PSD3: variants seen among roughly 807,000 people sequenced by gnomAD.
PSD3 encodes the protein PH and SEC7 domain-containing protein 3.
Under a neutral mutation model 105.5 loss-of-function variants are expected in PSD3, and 49 were observed. The observed-to-expected ratio is 0.46, with a 90% CI of 0.37 to 0.59. The LOEUF (loss-of-function observed/expected upper bound fraction) is 0.59, where lower values mean the gene tolerates loss of function less well. PSD3 is among the 20% of genes least tolerant of loss of function. The pLI, the probability that PSD3 is intolerant of heterozygous loss-of-function variation, is 0.00. For synonymous variants in PSD3, 557 were observed against 457.8 expected (o/e 1.22, Z -2.77); for missense variants, 1,561 against 1,263.8 (o/e 1.24, Z -3.57).
chr8:18,664,289 T>A (rs1452436156), intron 9 of PSD3, among the ~76,000 whole-genome samples: 1 of 152,186 alleles, frequency 6.6e-6, no homozygotes, highest in African/African-American at 2.4e-5. Flanking sequence ...TGAAGAAAAT[T>A]AAAAGTGTTA....
chr8:18,804,018 C>A (rs544528137), intron 6 of PSD3, among the ~76,000 whole-genome samples: 1 of 152,232 alleles, frequency 6.6e-6, no homozygotes, highest in East Asian at 1.9e-4. Flanking sequence ...ATTTGCTTTG[C>A]TACCAATTGT....
intron 9 of PSD3, among the ~76,000 whole-genome samples, chr8:18,706,125 C>T (rs1444054621): frequency 1.3e-5 from 2 of 152,258 alleles, no homozygotes; most frequent in East Asian, 3.9e-4. Flanking sequence ...CACTGAGCAA[C>T]TGTTATTTCA....
chr8:18,619,568 G>A (rs1049858589), intron 11 of PSD3, among the ~76,000 whole-genome samples: 16 of 151,864 alleles, frequency 1.1e-4, no homozygotes, highest in African/African-American at 2.7e-4. Flanking sequence ...GTTTGAACCC[G>A]GGAGGCAGAG....
chr8:18,997,913 C>T (rs1252720171), intron 1 of PSD3, among the ~76,000 whole-genome samples: 1 of 152,066 alleles, frequency 6.6e-6, no homozygotes, highest in African/African-American at 2.4e-5. Context: ...ACACTGTCAA[C>T]ATACTACACA....
intron 9 of PSD3, among the ~76,000 whole-genome samples, chr8:18,697,466 A>C (rs529613802): frequency 9.5e-4 from 144 of 152,328 alleles, no homozygotes; most frequent in Non-Finnish European, 1.8e-3. Flanking sequence ...AACATTATAG[A>C]AAAGTGTTTC....
At chr8:18,774,154 C>G (rs1181340554) in intron 8 of PSD3, among the ~76,000 whole-genome samples, 1 of 147,804 alleles carries the variant, frequency 6.8e-6, no homozygotes, top group Non-Finnish European at 1.5e-5. Context: ...GATCAGTTCT[C>G]CCATACAGAT....
intron 12 of PSD3, among the ~76,000 whole-genome samples, chr8:18,579,473 T>C (rs1482336456): frequency 2.6e-5 from 4 of 152,182 alleles, no homozygotes; most frequent in East Asian, 1.9e-4. Flanking sequence ...AAAAACATGT[T>C]ACTCTCTCGT....
chr8:18,745,149 G>A lies in PSD3; in HGVS notation c.2172+20300C>T, dbSNP rs148814028. ...TATCTTTCACTGTCTACATTGTAAA[G>A]TTAGTATTTTCCCCTCATAATGAAT... On this transcript the variant is annotated intron_variant, in intron 9 of 15. Coordinates refer to ENST00000327040, the MANE Select transcript of PSD3 (RefSeq NM_015310.4). Among the ~76,000 whole-genome samples, 204 of 152,280 alleles carry A rather than the reference G, an allele frequency of 1.3e-3. 2 individuals carry two copies. Among genetic ancestry groups the A allele is most frequent in the Middle Eastern group, 3.4e-3 (1 of 294 alleles).
intron 8 of PSD3, among the ~76,000 whole-genome samples, chr8:18,767,705 C>T (rs1458422045): frequency 6.6e-6 from 1 of 152,038 alleles, no homozygotes; most frequent in Non-Finnish European, 1.5e-5. Context: ...AGAGATCGTG[C>T]CACTGCACTC....
chr8:18,759,092 A>ACACACACACACACTCT (rs756248977), intron 9 of PSD3, among the ~76,000 whole-genome samples: 22 of 143,952 alleles, frequency 1.5e-4, no homozygotes, highest in African/African-American at 5.5e-4. Flanking sequence ...ACACACACAC[A>ACACACACACACACTCT]CTCTCTCTCT....
chr8:18,929,165 A>G (rs900549096), intron 2 of PSD3, among the ~76,000 whole-genome samples: 3 of 152,214 alleles, frequency 2.0e-5, no homozygotes, highest in Non-Finnish European at 4.4e-5. Context: ...ACTATGGCAG[A>G]CAAGGATACA....
At chr8:18,774,850 G>T in intron 8 of PSD3, 1 of 455,928 alleles carries the variant, frequency 2.2e-6, no homozygotes, top group Non-Finnish European at 4.4e-6. Context: ...CTACCTTCAG[G>T]TTGTCCAGCT....
intron 1 of PSD3, among the ~76,000 whole-genome samples, chr8:18,946,296 G>A (rs1822851002): frequency 6.6e-6 from 1 of 152,112 alleles, no homozygotes; most frequent in Non-Finnish European, 1.5e-5. Context: ...TATATTTGAG[G>A]CCAGGTGCGG....
chr8:19,020,952 G>A (rs569169738), intron 1 of PSD3, among the ~76,000 whole-genome samples: 307 of 152,256 alleles, frequency 2.0e-3, no homozygotes, highest in African/African-American at 7.2e-3. Context: ...TTCAGCAGAG[G>A]AGTGCCAGGC....
At chr8:18,807,571 A>G (rs1166706864) in intron 4 of PSD3, among the ~76,000 whole-genome samples, 2 of 152,192 alleles carry the variant, frequency 1.3e-5, no homozygotes, top group Admixed American at 1.3e-4. Context: ...TAATGGTAAT[A>G]GTTCAGTTAT....
At chr8:18,575,076 T>C (rs775587874) in intron 13 of PSD3, 52 bp downstream of exon 13, 145 of 1,555,194 alleles carry the variant, frequency 9.3e-5, no homozygotes, top group Non-Finnish European at 1.2e-4. Context: ...TGCAATAAAG[T>C]AGTGCTAAGT....
intron 8 of PSD3, among the ~76,000 whole-genome samples, chr8:18,772,281 T>G (rs1042820255): frequency 6.6e-6 from 1 of 152,176 alleles, no homozygotes; most frequent in African/African-American, 2.4e-5. Context: ...GATAGTTATA[T>G]TTCTCATTTT....
intron 8 of PSD3, among the ~76,000 whole-genome samples, chr8:18,779,283 A>G (rs1404557414): frequency 2.6e-5 from 4 of 152,016 alleles, no homozygotes; most frequent in Admixed American, 6.6e-5. Flanking sequence ...TTTGTGGGAT[A>G]TAAGTTTTAC....
chr8:18,548,055 C>A (rs935475299), intron 15 of PSD3, among the ~76,000 whole-genome samples: 1 of 152,118 alleles, frequency 6.6e-6, no homozygotes, highest in African/African-American at 2.4e-5. Context: ...TTTTCAAGTT[C>A]TCAGCTTCTT....
Sources: gnomAD v4.1 joint callset for allele counts (sites outside exome capture counted in the v4.1 genomes callset) on GRCh38, gnomAD v4.1.1 for gene constraint, MANE v1.5 for transcripts, NCBI Gene and HGNC (gene_info 2026-07-23, HGNC 2026-07-21) for gene names.